The following GPR135 variants were observed in gnomAD, a reference collection of about 807,000 sequenced individuals.
The protein encoded by GPR135 is G protein-coupled receptor 135.
Under a neutral mutation model 15.0 loss-of-function variants are expected in GPR135, and 17 were observed. That is an observed-to-expected ratio of 1.13 (90% CI 0.78 to 1.70). The LOEUF is 1.70. Ranked by LOEUF, GPR135 falls within the 40% of genes most tolerant of loss-of-function variation. The pLI, the probability that GPR135 is intolerant of heterozygous loss-of-function variation, is 0.00. For missense variants in GPR135, 776 were observed against 727.0 expected, an observed-to-expected ratio of 1.07 and a Z score of -0.78; for synonymous variants, 368 against 349.4, an observed-to-expected ratio of 1.05 and a Z score of -0.59.
Position 59,464,073 on chromosome 14 carries a change from ACAGGGTTGATGGCCCCATTGGCC to A in GPR135, c.1131_1153del (p.Trp377CysfsTer25), listed in dbSNP as rs777367181. On this transcript the variant is annotated frameshift_variant, in exon 1 of 1. Transcript: ENST00000395116. LOFTEE classifies it low-confidence loss of function (END_TRUNC). Reference sequence around the variant, plus strand: ...GTTGGGATTGCGGATGGCGTAGATGACAGGGTTGATGGCCCCATTGGCCCAGGTCAGCCAGACGGCCACCACGC... The same window carrying A: ...GTTGGGATTGCGGATGGCGTAGATGACAGGTCAGCCAGACGGCCACCACGC... 2 of 1,613,196 alleles carry A rather than the reference ACAGGGTTGATGGCCCCATTGGCC, an allele frequency of 1.2e-6. No individual in the cohort carries two copies. The highest frequency in any genetic ancestry group is 1.7e-6 in the Non-Finnish European group (2 of 1,180,012).
In GPR135 at chr14:59,464,007, CG is replaced by C; in HGVS notation, c.1219del (p.Arg407GlyfsTer72). 1 of 1,614,006 alleles carries C rather than the reference CG, an allele frequency of 6.2e-7. No individual in the cohort carries two copies. The highest frequency in any genetic ancestry group is 8.5e-7 in the Non-Finnish European group (1 of 1,180,030). On this transcript the variant is annotated frameshift_variant, in exon 1 of 1. Coordinates refer to ENST00000395116, the MANE Select transcript of GPR135 (RefSeq NM_022571.6). LOFTEE classifies it low-confidence loss of function (END_TRUNC). ...LLGRNREEGY[R>X]TRNVDAFLPS... The stretch of plus-strand genomic sequence containing the variant: ...CAGGAAAGCGTCCACATTCCTAGTC[CG>C]GTAGCCCTCCTCGCGGTTGCGCCCT...
At chr14:59,452,902 G>A (rs1171362295) in intron 6 of GPR135, among the ~76,000 whole-genome samples, 2 of 152,116 alleles carry the variant, frequency 1.3e-5, no homozygotes, top group African/African-American at 4.8e-5. Flanking sequence ...AGCACTAAAA[G>A]GAAATGAGCT....
At chr14:59,455,824 C>T (rs564399363), downstream of GPR135, 19 of 152,322 alleles carry the variant, frequency 1.2e-4, no homozygotes, top group Non-Finnish European at 2.1e-4. Context: ...TTTAAGACAT[C>T]TTCACTTCTG....
chr14:59,464,506 A>G lies in GPR135; in HGVS notation c.721T>C (p.Ser241Pro). 6.5e-7 allele frequency: 1 copy of G among 1,543,888 alleles called. No individual in the cohort carries two copies. Among genetic ancestry groups the G allele is most frequent in the Admixed American group, 2.0e-5 (1 of 51,018 alleles). Reference sequence around the variant, plus strand: ...GCCCCGAGCAGCTCCCAGGGCAAGGAGAAGCCCAGGGCCGTCAGCCAGGCG... The same window carrying G: ...GCCCCGAGCAGCTCCCAGGGCAAGGGGAAGCCCAGGGCCGTCAGCCAGGCG... ...AGAWLTALGF[S>P]LPWELLGAPR... The change falls in exon 1 of 1, where the codon TCC (serine) becomes CCC (proline). Residue 241 changes from serine (S) to proline (P), a missense_variant. By Grantham distance (74) the Ser-to-Pro change is moderately conservative. Transcript: ENST00000395116.
At chr14:59,460,630 A>G (rs984310264), downstream of GPR135, 20 of 152,242 alleles carry the variant, frequency 1.3e-4, no homozygotes, top group African/African-American at 4.8e-4. Context: ...GTATGCCTTA[A>G]TAAGATTGCT....
chr14:59,462,888 T>C lies in GPR135; in HGVS notation c.*854A>G, dbSNP rs750934638. On this transcript the variant is annotated 3_prime_UTR_variant, in exon 1 of 1. Transcript: ENST00000395116. ...AATTTACCTCAAAAGACAAAAATTTTCTACAATGAAAATATTTTTTTAAAT... is the reference window on the plus strand; with the variant it reads ...AATTTACCTCAAAAGACAAAAATTTCCTACAATGAAAATATTTTTTTAAAT... 6.6e-6 allele frequency: 1 copy of C among 152,186 alleles called. No individual in the cohort carries two copies. The highest frequency in any genetic ancestry group is 1.5e-5 in the Non-Finnish European group (1 of 68,038). The allele number at this position is 152,186 out of a possible 1,614,324, so 9.4% of individuals were successfully genotyped here.
downstream of GPR135, among the ~76,000 whole-genome samples, chr14:59,458,536 G>C (rs1346913142): frequency 6.6e-6 from 1 of 152,140 alleles, no homozygotes; most frequent in Non-Finnish European, 1.5e-5. Context: ...CCTTTGGAGA[G>C]AGCTTCAGGG....
rs1364302387 is a variant in GPR135 at position 59,464,317 on chromosome 14, C to CCG, written c.908_909dup (p.Val304ArgfsTer12). 6 of 1,611,396 alleles carry CCG rather than the reference C, an allele frequency of 3.7e-6. No homozygotes were observed. Among genetic ancestry groups the CCG allele is most frequent in the Non-Finnish European group, 5.1e-6 (6 of 1,179,272 alleles). ...CGCACGCGCACGTCCGACAGGCGCA[C>CCG]CGTCTTGCAGATGTGGTAGTGGCAG... On this transcript the variant is annotated frameshift_variant, in exon 1 of 1. Transcript: ENST00000395116. LOFTEE classifies it high-confidence loss of function.
Position 59,464,250 on chromosome 14 carries a change from T to C in GPR135, c.977A>G (p.Glu326Gly). The C allele has an allele frequency of 6.2e-7, 1 of 1,611,946 alleles. No individual in the cohort carries two copies. The highest frequency in any genetic ancestry group is 1.1e-5 in the South Asian group (1 of 91,080). Residue 326 changes from glutamate to glycine, a missense_variant, in exon 1 of 1, where the codon GAG (glutamate) becomes GGG (glycine). Coordinates refer to ENST00000395116, the MANE Select transcript of GPR135 (RefSeq NM_022571.6). Reference protein sequence around the residue: ...TYARVLRFFSEVRTATTVLIM... With the variant: ...TYARVLRFFSGVRTATTVLIM... ...GAGGACGGTGGTGGCCGTGCGCACCTCGCTGAAGAAGCGCAGCACGCGCGC... is the reference window on the plus strand; with the variant it reads ...GAGGACGGTGGTGGCCGTGCGCACCCCGCTGAAGAAGCGCAGCACGCGCGC...
At position 59,465,060 on chromosome 14, in the gene GPR135, C is replaced by A; in HGVS notation, c.167G>T (p.Ser56Ile). 7.3e-7 allele frequency: 1 copy of A among 1,364,152 alleles called. No homozygotes were observed. Among genetic ancestry groups the A allele is most frequent in the Non-Finnish European group, 9.4e-7 (1 of 1,060,286 alleles). 84.5% of individuals were successfully genotyped at this position (1,364,152 alleles called of 1,614,324 possible). Reference sequence around the variant, plus strand: ...AGCTGTGCCGCCTCCGCTTGCGTCGCTCAGGTTCCCCAGCGCCGCGGTCGC... The same window carrying A: ...AGCTGTGCCGCCTCCGCTTGCGTCGATCAGGTTCCCCAGCGCCGCGGTCGC... ...TVATAALGNL[S>I]DASGGGTAAA... Residue 56 changes from serine to isoleucine, a missense_variant, in exon 1 of 1, where the codon AGC becomes ATC. Coordinates refer to ENST00000395116, the MANE Select transcript of GPR135 (RefSeq NM_022571.6).
rs907174349 is a variant in GPR135, at chr14:59,463,540, T to G, written c.*202A>C. 2 of 585,462 alleles carry G rather than the reference T, an allele frequency of 3.4e-6. No individual in the cohort carries two copies. Among genetic ancestry groups the G allele is most frequent in the African/African-American group, 3.7e-5 (2 of 53,730 alleles). 36.3% of individuals were successfully genotyped at this position (585,462 alleles called of 1,614,324 possible). On this transcript the variant is annotated 3_prime_UTR_variant, in exon 1 of 1. Coordinates refer to ENST00000395116, the MANE Select transcript of GPR135 (RefSeq NM_022571.6). Reference sequence around the variant, plus strand: ...TTGGTTATGTGGTTTAAGATTGTTTTAATTTTTGCATTTTACATTCCTTTT... The same window carrying G: ...TTGGTTATGTGGTTTAAGATTGTTTGAATTTTTGCATTTTACATTCCTTTT...
chr14:59,459,239 G>A (rs139102116), downstream of GPR135, among the ~76,000 whole-genome samples: 597 of 152,276 alleles, frequency 3.9e-3, 3 homozygotes, highest in African/African-American at 0.013. Context: ...TATGTTTTAT[G>A]TATAATTTTG....
In GPR135 at chr14:59,463,835, A is replaced by T; in HGVS notation, c.1392T>A (p.Asn464Lys). The T allele has an allele frequency of 6.2e-7, 1 of 1,614,014 alleles. No homozygotes were observed. Among genetic ancestry groups the T allele is most frequent in the Non-Finnish European group, 8.5e-7 (1 of 1,180,014 alleles). ...CCTCTCGGCAGAAAAGTACAACTGG[A>T]TTTTTGCGGGCCCACATGGCCACGT... Reference protein sequence around the residue: ...AGDVAMWARKNPVVLFCREGP... With the variant: ...AGDVAMWARKKPVVLFCREGP... The change falls in exon 1 of 1, where the codon AAT becomes AAA. Residue 464 changes from asparagine to lysine, a missense_variant. Physicochemically the swap from Asn to Lys is moderately conservative, Grantham distance 94 (BLOSUM62 0). Transcript: ENST00000395116.
chr14:59,463,280 C>T lies in GPR135; in HGVS notation c.*462G>A, dbSNP rs1888936900. On this transcript the variant is annotated 3_prime_UTR_variant, in exon 1 of 1. Coordinates refer to ENST00000395116, the MANE Select transcript of GPR135 (RefSeq NM_022571.6). ...CTTTTCCACTTGCAATCTAAGCACCCAAAGCATGTCAGAGGTGCAAGCTCT... is the reference window on the plus strand; with the variant it reads ...CTTTTCCACTTGCAATCTAAGCACCTAAAGCATGTCAGAGGTGCAAGCTCT... The T allele has an allele frequency of 1.3e-5, 2 of 159,544 alleles. No homozygotes were observed. The highest frequency in any genetic ancestry group is 6.0e-5 in the Admixed American group (1 of 16,560). 9.9% of individuals were successfully genotyped at this position (159,544 alleles called of 1,614,324 possible).
rs994446557 is a variant in GPR135, at chr14:59,463,659, A to G, written c.*83T>C. ...AGCTTTAAATGTTTGGCTTTATGAA[A>G]TCCACAACTCTCCCCCAGAATCTTC... is the stretch of plus-strand genomic sequence containing the variant. On this transcript the variant is annotated 3_prime_UTR_variant, in exon 1 of 1. Coordinates refer to ENST00000395116, the MANE Select transcript of GPR135 (RefSeq NM_022571.6). The G allele has an allele frequency of 3.3e-5, 44 of 1,332,666 alleles. No homozygotes were observed. In the Middle Eastern group the frequency reaches 5.7e-4, roughly 17 times the overall value. The allele number at this position is 1,332,666 out of a possible 1,614,324, so 82.6% of individuals were successfully genotyped here.
chr14:59,453,730 A>G (rs1283180066), intron 6 of GPR135, among the ~76,000 whole-genome samples: 1 of 152,228 alleles, frequency 6.6e-6, no homozygotes, highest in Non-Finnish European at 1.5e-5. Context: ...GATTGGGGAA[A>G]AGGGACTTGA....
intron 6 of GPR135, among the ~76,000 whole-genome samples, chr14:59,454,589 C>T (rs187347904): frequency 5.3e-5 from 8 of 152,224 alleles, no homozygotes; most frequent in Non-Finnish European, 7.4e-5. Flanking sequence ...TTTCCTTGTA[C>T]GCACAGGACT....
At chr14:59,456,444 T>C (rs1888657754), downstream of GPR135, 1 of 152,242 alleles carries the variant, frequency 6.6e-6, no homozygotes, top group Non-Finnish European at 1.5e-5. Flanking sequence ...TTACCATTGG[T>C]TGTAACCCAC....
rs1888959000 is a variant in GPR135, at chr14:59,463,787, T to C, written c.1440A>G (p.Ala480=). The change falls in exon 1 of 1, where the codon GCA becomes GCG. Residue 480 remains alanine (A), a synonymous_variant. Transcript: ENST00000395116. ...CTTCGGATTTAGGCTGTTTGGTCAC[T>C]GCCGTCACCGGCTCTGGTGGTCCCT... is the stretch of plus-strand genomic sequence containing the variant. ...CREGPPEPVT[A]VTKQPKSEAG... The C allele has an allele frequency of 1.2e-6, 2 of 1,613,046 alleles. No individual in the cohort carries two copies. The highest frequency in any genetic ancestry group is 1.7e-6 in the Non-Finnish European group (2 of 1,179,370).
Sources: allele counts gnomAD v4.1 joint callset (sites outside exome capture counted in the v4.1 genomes callset), GRCh38; gene constraint gnomAD v4.1.1; transcripts MANE v1.5; gene names NCBI Gene and HGNC (gene_info 2026-07-23, HGNC 2026-07-21).